The following CHAF1A variants were observed in gnomAD, a reference collection of about 807,000 sequenced individuals.
CHAF1A encodes the protein CAF-1 subunit A.
In CHAF1A, 5 loss-of-function variants were observed where a neutral mutation model predicts 93.2. That is an observed-to-expected ratio of 0.05 (90% CI 0.03 to 0.11). CHAF1A has a LOEUF of 0.11. Ranked by LOEUF, CHAF1A falls within the 10% of genes least tolerant of loss-of-function variation. The probability of loss-of-function intolerance (pLI) is 1.00; values close to 1 mark genes in which losing one functional copy is unlikely to be tolerated. For synonymous variants in CHAF1A, 504 were observed against 510.3 expected, an observed-to-expected ratio of 0.99 and a Z score of 0.17; for missense variants, 1,102 against 1,259.9, an observed-to-expected ratio of 0.87 and a Z score of 1.90.
intron 8 of CHAF1A, 79 bp from the exon 9 acceptor site, chr19:4,429,359 T>G: frequency 6.7e-7 from 1 of 1,501,328 alleles, no homozygotes; most frequent in Non-Finnish European, 9.1e-7. Flanking sequence ...TTAGGCCAGC[T>G]TCACAGGGAG....
chr19:4,419,628 G>A (rs1030123530), intron 4 of CHAF1A, among the ~76,000 whole-genome samples: 1 of 151,728 alleles, frequency 6.6e-6, no homozygotes. Flanking sequence ...ACAGGGTTTC[G>A]CTATGTTTGT....
intron 7 of CHAF1A, among the ~76,000 whole-genome samples, chr19:4,424,997 G>C (rs900259026): frequency 6.6e-6 from 1 of 151,588 alleles, no homozygotes; most frequent in Non-Finnish European, 1.5e-5. Flanking sequence ...TGGTCTCGAC[G>C]ACCTGGCTTC....
At chr19:4,438,871 A>G (rs1440635265) in intron 13 of CHAF1A, among the ~76,000 whole-genome samples, 1 of 152,162 alleles carries the variant, frequency 6.6e-6, no homozygotes, top group East Asian at 1.9e-4. Context: ...AGTCCCAGCT[A>G]CTCGGGAGGC....
At chr19:4,436,213 C>T (rs1974281250) in intron 13 of CHAF1A, among the ~76,000 whole-genome samples, 1 of 152,128 alleles carries the variant, frequency 6.6e-6, no homozygotes, top group Admixed American at 6.5e-5. Flanking sequence ...AGATGATGCT[C>T]AGCCATCTCC....
intron 1 of CHAF1A, among the ~76,000 whole-genome samples, chr19:4,403,513 C>G (rs1433941528): frequency 6.6e-6 from 1 of 152,268 alleles, no homozygotes; most frequent in Non-Finnish European, 1.5e-5. Context: ...ATAGTAGGTG[C>G]TCAGTAAATA....
At position 4,422,677 on chromosome 19, in the gene CHAF1A, G is replaced by A. The variant is rs770872491; in HGVS notation, c.1129G>A (p.Glu377Lys). The A allele has an allele frequency of 7.5e-6, 12 of 1,610,732 alleles. No homozygotes were observed. In the South Asian group the frequency reaches 1.3e-4, roughly 18 times the overall value. ...GGAGGAGGCCAAGAAGAAGAAGGAGGAAGAGAAGGAGCTTAAGGAAAAGGA... is the reference window on the plus strand; with the variant it reads ...GGAGGAGGCCAAGAAGAAGAAGGAGAAAGAGAAGGAGCTTAAGGAAAAGGA... ...AKEEAKKKKE[E>K]EKELKEKERR... is the part of the protein sequence containing the mutation. Residue 377 changes from glutamate (E) to lysine (K), a missense_variant, in exon 5 of 15, where the codon GAA becomes AAA. Glu to Lys is a moderately conservative substitution (Grantham distance 56). This residue lies in a region of CHAF1A where 165 missense variants were observed against 243.9 expected (regional missense o/e 0.68). Transcript: ENST00000301280. This position sits in a 1 kb window ranked among gnomAD's most constrained non-coding sequence, Gnocchi z 4.6.
rs768344922 is a variant in CHAF1A at position 4,442,286 on chromosome 19, GGAGGAGGAA to G, written c.2724_2732del (p.Glu909_Glu911del). The G allele has an allele frequency of 1.2e-5, 20 of 1,613,534 alleles. No individual in the cohort carries two copies. In the East Asian group the frequency reaches 4.5e-4, roughly 36 times the overall value. ...TGGACGGCTTCCAGGCAGACACGGA[GGAGGAGGAA>G]GAGGAGGAGGGCGACTGTATGATCG... On this transcript the variant is annotated inframe_deletion, in exon 14 of 15. Coordinates refer to ENST00000301280, the MANE Select transcript of CHAF1A (RefSeq NM_005483.3).
intron 13 of CHAF1A, among the ~76,000 whole-genome samples, chr19:4,437,424 A>G (rs1181044252): frequency 6.6e-6 from 1 of 152,036 alleles, no homozygotes; most frequent in Non-Finnish European, 1.5e-5. Flanking sequence ...GTCACAGCTC[A>G]CCGCAGCCTC....
In CHAF1A at chr19:4,422,179, T is replaced by C. The variant is rs897068754; in HGVS notation, c.1018-387T>C. Among the ~76,000 whole-genome samples, 1 of 152,068 alleles carries C rather than the reference T, an allele frequency of 6.6e-6. No individual in the cohort carries two copies. Among genetic ancestry groups the C allele is most frequent in the Non-Finnish European group, 1.5e-5 (1 of 68,008 alleles). ...CGCCCACCATGCCTGGCTAGTTTTT[T>C]TTAAAAATATTTTTAGTAGAGATGG... On this transcript the variant is annotated intron_variant, in intron 4 of 14. Transcript: ENST00000301280. The surrounding 1 kb of genome is among the most constrained non-coding windows in gnomAD (Gnocchi z 4.6).
At position 4,433,338 on chromosome 19, in the gene CHAF1A, G is replaced by A. The variant is rs1393443538; in HGVS notation, c.2472G>A (p.Val824=). The A allele has an allele frequency of 6.2e-7, 1 of 1,613,612 alleles. No homozygotes were observed. Among genetic ancestry groups the A allele is most frequent in the East Asian group, 2.2e-5 (1 of 44,846 alleles). Residue 824 remains valine, a synonymous_variant, in exon 13 of 15, where the codon GTG becomes GTA. Coordinates refer to ENST00000301280, the MANE Select transcript of CHAF1A (RefSeq NM_005483.3). The surrounding 1 kb of genome is among the most constrained non-coding windows in gnomAD (Gnocchi z 5.6). The stretch of plus-strand genomic sequence containing the variant: ...TGTGCTGGTACGTGCACCCGCAGGT[G>A]CTACAGAGCTTCCAGCAGGAGCACC... ...FRMCWYVHPQ[V]LQSFQQEHLP...
downstream of CHAF1A, chr19:4,445,934 G>A (rs749244855): frequency 3.1e-5 from 46 of 1,474,434 alleles, no homozygotes; most frequent in Admixed American, 6.8e-5. Flanking sequence ...CCAGGGACCT[G>A]CCCAGGCCCC....
Position 4,423,557 on chromosome 19 carries a change from T to G in CHAF1A, c.1308+162T>G, listed in dbSNP as rs569804679. Among the ~76,000 whole-genome samples, 4 of 152,328 alleles carry G rather than the reference T, an allele frequency of 2.6e-5. No homozygotes were observed. In the South Asian group the frequency reaches 8.3e-4, roughly 32 times the overall value. On this transcript the variant is annotated intron_variant, in intron 6 of 14. Coordinates refer to ENST00000301280, the MANE Select transcript of CHAF1A (RefSeq NM_005483.3). ...TCTGTCTAGATGCGTTCTTGTTGCT[T>G]CTTCCCAGTGCTGGCTGTCACATGC...
At chr19:4,446,443 G>C (rs1417339148), downstream of CHAF1A, 1 of 1,579,442 alleles carries the variant, frequency 6.3e-7, no homozygotes, top group Non-Finnish European at 8.6e-7. Flanking sequence ...CACGAGGGCT[G>C]GCCGGGGTTC....
rs573915751 is a variant in CHAF1A at position 4,412,940 on chromosome 19, T to C, written c.960+3181T>C. Among the ~76,000 whole-genome samples, 22 of 152,346 alleles carry C rather than the reference T, an allele frequency of 1.4e-4. 1 individual carries two copies. In the East Asian group the frequency reaches 4.2e-3, roughly 29 times the overall value. On this transcript the variant is annotated intron_variant, in intron 3 of 14. Transcript: ENST00000301280. ...ATCGGGAGGCCTCCTCATGCCCTGATGGCAGGGATCCCTGAGATCCCAGCT... is the reference window on the plus strand; with the variant it reads ...ATCGGGAGGCCTCCTCATGCCCTGACGGCAGGGATCCCTGAGATCCCAGCT...
Position 4,428,666 on chromosome 19 carries a change from C to G in CHAF1A, c.1380C>G (p.Thr460=), listed in dbSNP as rs1455066862. ...QKPKTPQAPK[T]LAGSCGKFAP... ...ATCGGGTCTCTTCTTGATTTCAGAC[C>G]CTGGCCGGCTCCTGTGGGAAGTTTG... Residue 460 remains threonine (T), a splice_region_variant and synonymous_variant, in exon 8 of 15, where the codon ACC becomes ACG. Transcript: ENST00000301280. 4.3e-6 allele frequency: 7 copies of G among 1,613,766 alleles called. No homozygotes were observed. The highest frequency in any genetic ancestry group is 1.3e-5 in the African/African-American group (1 of 75,020).
At chr19:4,427,915 G>A (rs967597423) in intron 7 of CHAF1A, among the ~76,000 whole-genome samples, 1 of 152,166 alleles carries the variant, frequency 6.6e-6, no homozygotes, top group Non-Finnish European at 1.5e-5. Flanking sequence ...GTAGAGACGG[G>A]GTTTCACCAT....
rs1186348691 is a variant in CHAF1A, at chr19:4,428,653, C to G, written c.1378-11C>G. On this transcript the variant is annotated splice_polypyrimidine_tract_variant and intron_variant, in intron 7 of 14. Transcript: ENST00000301280. Reference sequence around the variant, plus strand: ...GCTCGAAGACCCCATCGGGTCTCTTCTTGATTTCAGACCCTGGCCGGCTCC... The same window carrying G: ...GCTCGAAGACCCCATCGGGTCTCTTGTTGATTTCAGACCCTGGCCGGCTCC... 6.2e-7 allele frequency: 1 copy of G among 1,612,124 alleles called. No homozygotes were observed. Among genetic ancestry groups the G allele is most frequent in the African/African-American group, 1.3e-5 (1 of 75,002 alleles).
chr19:4,424,931 G>A (rs768301402), intron 7 of CHAF1A, among the ~76,000 whole-genome samples: 95 of 152,238 alleles, frequency 6.2e-4, no homozygotes, highest in Admixed American at 1.7e-3. Context: ...CACCGTGCCC[G>A]GCCTAATTTT....
chr19:4,405,381 G>A (rs796155823), intron 1 of CHAF1A, among the ~76,000 whole-genome samples: 64 of 152,200 alleles, frequency 4.2e-4, no homozygotes, highest in Admixed American at 1.6e-3. Flanking sequence ...AGGCTGAGGC[G>A]GGTGGATCAC....
Sources: allele counts gnomAD v4.1 joint callset (sites outside exome capture counted in the v4.1 genomes callset), GRCh38; gene constraint gnomAD v4.1.1; regional missense constraint gnomAD v4.1.1; non-coding constraint Gnocchi (gnomAD v3.1); transcripts MANE v1.5; gene names NCBI Gene and HGNC (gene_info 2026-07-23, HGNC 2026-07-21).